Variants in RANBP2 observed in about 807,000 individuals in gnomAD.
The protein encoded by RANBP2 is RAN binding protein 2.
A neutral mutation model predicts 303.6 loss-of-function variants in RANBP2; 57 were observed. That is an observed-to-expected ratio of 0.19 (90% CI 0.15 to 0.23). The LOEUF is 0.23. RANBP2 is among the 10% of genes least tolerant of loss of function. The pLI is 1.00. For missense variants in RANBP2, 3,138 were observed against 3,780.8 expected, an observed-to-expected ratio of 0.83 and a Z score of 4.46; for synonymous variants, 1,167 against 1,301.5, an observed-to-expected ratio of 0.90 and a Z score of 2.23.
chr2:109,047,019 G>T, the RANBP2 span, among the ~76,000 whole-genome samples: 6 of 152,040 alleles, frequency 3.9e-5, no homozygotes, highest in Non-Finnish European at 8.8e-5. Context: ...GCCCTGCAGT[G>T]CCAGAGACTG....
At chr2:108,955,449 CT>C in the RANBP2 span, among the ~76,000 whole-genome samples, 1 of 152,094 alleles carries the variant, frequency 6.6e-6, no homozygotes, top group Admixed American at 6.5e-5. Context: ...ACATATATAT[CT>C]TCTAAAATGA....
chr2:109,042,737 G>C, the RANBP2 span, among the ~76,000 whole-genome samples: 306 of 152,252 alleles, frequency 2.0e-3, 1 homozygote, highest in Middle Eastern at 6.8e-3. Flanking sequence ...TAATCATCTA[G>C]TCCACATCTA....
chr2:108,991,596 T>C, the RANBP2 span, among the ~76,000 whole-genome samples: 2 of 152,218 alleles, frequency 1.3e-5, no homozygotes, highest in East Asian at 3.8e-4. Context: ...CTCAAATGCA[T>C]GGCCAGGAGT....
chr2:109,413,205 C>T, the RANBP2 span, among the ~76,000 whole-genome samples: 6 of 152,228 alleles, frequency 3.9e-5, no homozygotes, highest in Admixed American at 3.9e-4. Context: ...ACCTCCGCCT[C>T]ATGGGTTCAA....
the RANBP2 span, among the ~76,000 whole-genome samples, chr2:109,331,387 T>G: frequency 6.6e-6 from 1 of 152,092 alleles, no homozygotes; most frequent in African/African-American, 2.4e-5. Context: ...TCCCCTTGTT[T>G]TGCATCATGA....
chr2:109,057,964 T>A, the RANBP2 span, among the ~76,000 whole-genome samples: 1 of 152,130 alleles, frequency 6.6e-6, no homozygotes, highest in South Asian at 2.1e-4. Context: ...AGCGCTTATG[T>A]GGCAAGGAGG....
chr2:108,788,128 T>G (rs1679227507), downstream of RANBP2: 2 of 1,586,472 alleles, frequency 1.3e-6, no homozygotes, highest in Non-Finnish European at 1.7e-6. Flanking sequence ...TTTCAAAAAT[T>G]TAATTTGAGG....
At chr2:108,892,571 C>T in the RANBP2 span, among the ~76,000 whole-genome samples, 107,412 of 151,996 alleles carry the variant, frequency 0.71, 41,344 homozygotes, top group East Asian at 0.9. Context: ...TTGCTTAGGT[C>T]TCAGAAAGGT....
chr2:109,339,504 G>T, the RANBP2 span, among the ~76,000 whole-genome samples: 1 of 152,144 alleles, frequency 6.6e-6, no homozygotes, highest in Non-Finnish European at 1.5e-5. Context: ...GGAGGCCCAC[G>T]TGAGTGTGCT....
At chr2:109,338,331 A>G in the RANBP2 span, among the ~76,000 whole-genome samples, 1 of 152,152 alleles carries the variant, frequency 6.6e-6, no homozygotes, top group African/African-American at 2.4e-5. Context: ...GCTCTTCTGC[A>G]AGAAGCTTCA....
At chr2:109,398,602 G>T in the RANBP2 span, 1 of 1,570,108 alleles carries the variant, frequency 6.4e-7, no homozygotes, top group Non-Finnish European at 8.6e-7. Context: ...CAATGACTCC[G>T]CCAAGCAGCT....
rs34872068 is a variant in RANBP2 at position 108,741,495 on chromosome 2, C to CTTTT, written c.975+839_975+842dup. ...ACAGGCGCAAGCCACTGCGCCTGGC[C>CTTTT]TTTTTTTTTTTTTTTTTTTTTTTTT... On this transcript the variant is annotated intron_variant, in intron 7 of 28. Coordinates refer to ENST00000283195, the MANE Select transcript of RANBP2 (RefSeq NM_006267.5). Among the ~76,000 whole-genome samples, 24 of 61,798 alleles carry CTTTT rather than the reference C, an allele frequency of 3.9e-4. 1 individual carries two copies. Among genetic ancestry groups the CTTTT allele is most frequent in the Non-Finnish European group, 5.1e-4 (18 of 35,130 alleles). 40.5% of individuals were successfully genotyped at this position (61,798 alleles called of 152,430 possible). A position where few individuals can be genotyped will look rare whatever the true frequency, so the allele number is the denominator to read the frequency against.
the RANBP2 span, among the ~76,000 whole-genome samples, chr2:109,031,324 G>A: frequency 6.6e-6 from 1 of 152,188 alleles, no homozygotes; most frequent in Non-Finnish European, 1.5e-5. Context: ...TGTGGCAGGG[G>A]TGGGGTAGAG....
At chr2:108,926,558 C>T in the RANBP2 span, among the ~76,000 whole-genome samples, 6 of 152,228 alleles carry the variant, frequency 3.9e-5, no homozygotes, top group African/African-American at 7.2e-5. Context: ...CCCCTGCCCC[C>T]GCCATCCAGA....
chr2:108,768,063 G>T lies in RANBP2; in HGVS notation c.7524G>T (p.Val2508=). 6.2e-7 allele frequency: 1 copy of T among 1,611,724 alleles called. No homozygotes were observed. Among genetic ancestry groups the T allele is most frequent in the Non-Finnish European group, 8.5e-7 (1 of 1,179,778 alleles). ...SSTSETTPKA[V]VSPPKFVFGS... ...CATCTGAAACAACACCAAAAGCAGT[G>T]GTTTCTCCTCCAAAGTTTGTATTTG... The change falls in exon 20 of 29, where the codon GTG becomes GTT. Residue 2508 remains valine (V), a synonymous_variant. Transcript: ENST00000283195.
At chr2:108,994,810 A>C in the RANBP2 span, among the ~76,000 whole-genome samples, 6 of 111,278 alleles carry the variant, frequency 5.4e-5, no homozygotes, top group East Asian at 5.0e-4. Context: ...ATATATATAT[A>C]TATATATATA....
the RANBP2 span, among the ~76,000 whole-genome samples, chr2:109,316,482 C>T: frequency 0.31 from 47,375 of 151,996 alleles, 9,138 homozygotes; most frequent in African/African-American, 0.55. Context: ...AACAAGGTAG[C>T]CCATGACATG....
chr2:108,984,690 G>GC, the RANBP2 span, among the ~76,000 whole-genome samples: 1 of 150,594 alleles, frequency 6.6e-6, no homozygotes, highest in Non-Finnish European at 1.5e-5. Context: ...TAGTTTGTTT[G>GC]TTTTTTTTTC....
At chr2:109,606,578 A>G in the RANBP2 span, among the ~76,000 whole-genome samples, 1 of 152,096 alleles carries the variant, frequency 6.6e-6, no homozygotes, top group Admixed American at 6.6e-5. Context: ...ATTACCTGCA[A>G]AGATCTTCAG....
Sources: gnomAD v4.1 joint callset for allele counts (sites outside exome capture counted in the v4.1 genomes callset) on GRCh38, gnomAD v4.1.1 for gene constraint, MANE v1.5 for transcripts, NCBI Gene and HGNC (gene_info 2026-07-23, HGNC 2026-07-21) for gene names.